CSMD1: variants seen among roughly 807,000 people sequenced by gnomAD.
CSMD1 encodes CUB and sushi domain-containing protein 1.
Under a neutral mutation model 417.5 loss-of-function variants are expected in CSMD1, and 213 were observed. The observed-to-expected ratio is 0.51, with a 90% CI of 0.46 to 0.57. The LOEUF is 0.57. Ranked by LOEUF, CSMD1 falls within the 20% of genes least tolerant of loss-of-function variation. The pLI is 0.00. For missense variants in CSMD1, 6,923 were observed against 4,529.7 expected (o/e 1.53, Z -15.17); for synonymous variants, 2,862 against 1,736.8 (o/e 1.65, Z -16.11).
intron 26 of CSMD1, among the ~76,000 whole-genome samples, chr8:3,259,085 A>T (rs557938390): frequency 6.6e-6 from 1 of 152,354 alleles, no homozygotes; most frequent in South Asian, 2.1e-4. Flanking sequence ...TTATATATAA[A>T]GCAGGTATCT....
At chr8:4,955,087 C>A (rs768153465) in intron 1 of CSMD1, among the ~76,000 whole-genome samples, 1 of 152,100 alleles carries the variant, frequency 6.6e-6, no homozygotes, top group Non-Finnish European at 1.5e-5. Flanking sequence ...CTGGAACAAT[C>A]GCTTCAGCAT....
At chr8:4,836,857 A>C (rs1800525482) in intron 1 of CSMD1, among the ~76,000 whole-genome samples, 1 of 152,092 alleles carries the variant, frequency 6.6e-6, no homozygotes, top group Admixed American at 6.5e-5. Flanking sequence ...TCTCCAAAGA[A>C]ATGAGCCCAA....
intron 1 of CSMD1, among the ~76,000 whole-genome samples, chr8:4,774,985 C>G (rs574252990): frequency 1.3e-5 from 2 of 152,180 alleles, no homozygotes; most frequent in South Asian, 4.1e-4. Context: ...TACAAATTAC[C>G]CAGCCTCAGG....
intron 3 of CSMD1, among the ~76,000 whole-genome samples, chr8:4,391,700 G>A (rs1214632503): frequency 6.6e-6 from 1 of 152,140 alleles, no homozygotes; most frequent in Non-Finnish European, 1.5e-5. Flanking sequence ...GCCACCACCA[G>A]CTTCCCCATG....
At chr8:3,999,224 T>C (rs1815466702) in intron 4 of CSMD1, among the ~76,000 whole-genome samples, 1 of 152,098 alleles carries the variant, frequency 6.6e-6, no homozygotes, top group Admixed American at 6.6e-5. Context: ...TCATTAATTC[T>C]GATACTGCAA....
At position 4,181,091 on chromosome 8, in the gene CSMD1, A is replaced by G. The variant is rs567500784; in HGVS notation, c.416-148992T>C. Among the ~76,000 whole-genome samples the G allele has an allele frequency of 2.8e-3, 428 of 152,332 alleles. 2 individuals are homozygous for G. Among genetic ancestry groups the G allele is most frequent in the Non-Finnish European group, 5.0e-3 (337 of 68,016 alleles). On this transcript the variant is annotated intron_variant, in intron 3 of 69. Coordinates refer to ENST00000635120, the MANE Select transcript of CSMD1 (RefSeq NM_033225.6). ...AAATAGGACAACAGACCTATTGAACATTCCAACACATGATTGACCAGCCAA... is the reference window on the plus strand; with the variant it reads ...AAATAGGACAACAGACCTATTGAACGTTCCAACACATGATTGACCAGCCAA...
intron 1 of CSMD1, among the ~76,000 whole-genome samples, chr8:4,648,764 T>C (rs2130888473): frequency 6.6e-6 from 1 of 152,326 alleles, no homozygotes; most frequent in South Asian, 2.1e-4. Flanking sequence ...GGCTACTCCA[T>C]TATGTTGGAG....
intron 6 of CSMD1, among the ~76,000 whole-genome samples, chr8:3,709,673 G>A (rs1176150483): frequency 2.0e-5 from 1 of 51,214 alleles, no homozygotes; most frequent in Non-Finnish European, 4.4e-5. Context: ...TTAAATTGCA[G>A]CAGCATGTTT....
chr8:3,384,058 C>A (rs555614894), intron 18 of CSMD1, among the ~76,000 whole-genome samples: 5 of 151,944 alleles, frequency 3.3e-5, no homozygotes, highest in Non-Finnish European at 7.4e-5. Context: ...AGTGACTGGG[C>A]GAGGCTGTGA....
At chr8:3,872,367 G>C (rs187003674) in intron 5 of CSMD1, among the ~76,000 whole-genome samples, 191 of 152,296 alleles carry the variant, frequency 1.3e-3, no homozygotes, top group African/African-American at 4.4e-3. Context: ...GTGTTGGCAA[G>C]ATGTCCCTGC....
At chr8:3,847,495 C>T (rs954497553) in intron 5 of CSMD1, among the ~76,000 whole-genome samples, 11 of 152,088 alleles carry the variant, frequency 7.2e-5, no homozygotes, top group Non-Finnish European at 1.5e-5. Flanking sequence ...GTTCCGCCAA[C>T]ATCAATATGA....
chr8:4,375,907 G>A (rs979439944), intron 3 of CSMD1, among the ~76,000 whole-genome samples: 3 of 152,084 alleles, frequency 2.0e-5, no homozygotes, highest in Non-Finnish European at 4.4e-5. Context: ...TTCAGGATAC[G>A]GCCACCACCT....
intron 51 of CSMD1, among the ~76,000 whole-genome samples, chr8:3,025,247 G>A (rs1809780470): frequency 6.6e-6 from 1 of 151,156 alleles, no homozygotes; most frequent in Middle Eastern, 3.4e-3. Flanking sequence ...ACCGTGTATT[G>A]TGTGGTGTTA....
At chr8:3,535,051 C>T (rs1043283888) in intron 10 of CSMD1, among the ~76,000 whole-genome samples, 1 of 152,122 alleles carries the variant, frequency 6.6e-6, no homozygotes, top group Non-Finnish European at 1.5e-5. Flanking sequence ...GGGCTTAAGC[C>T]AGTCTCCTGC....
intron 5 of CSMD1, among the ~76,000 whole-genome samples, chr8:3,883,501 C>G (rs1213246013): frequency 2.0e-5 from 3 of 152,122 alleles, no homozygotes; most frequent in African/African-American, 7.2e-5. Flanking sequence ...TACCTTTTCA[C>G]TGCTCCTTTA....
chr8:3,682,006 G>A (rs1329893217), intron 7 of CSMD1, among the ~76,000 whole-genome samples: 4 of 152,136 alleles, frequency 2.6e-5, no homozygotes, highest in Non-Finnish European at 5.9e-5. Context: ...AGGTGAAACT[G>A]GATCCCTTCC....
At chr8:4,893,061 G>C (rs1804230026) in intron 1 of CSMD1, among the ~76,000 whole-genome samples, 1 of 152,130 alleles carries the variant, frequency 6.6e-6, no homozygotes, top group South Asian at 2.1e-4. Flanking sequence ...AATGAGGGCT[G>C]TGTCGATTAT....
At chr8:4,275,865 G>A (rs1243719385) in intron 3 of CSMD1, among the ~76,000 whole-genome samples, 2 of 152,178 alleles carry the variant, frequency 1.3e-5, no homozygotes, top group Non-Finnish European at 2.9e-5. Flanking sequence ...CACAAGGCAT[G>A]AATTATAATT....
chr8:3,243,902 C>A (rs1462738687), intron 26 of CSMD1, among the ~76,000 whole-genome samples: 1 of 152,058 alleles, frequency 6.6e-6, no homozygotes, highest in South Asian at 2.1e-4. Flanking sequence ...AATGCATGAA[C>A]TACATACATG....
Sources: allele counts gnomAD v4.1 joint callset (sites outside exome capture counted in the v4.1 genomes callset), GRCh38; gene constraint gnomAD v4.1.1; transcripts MANE v1.5; gene names NCBI Gene and HGNC (gene_info 2026-07-23, HGNC 2026-07-21).